The following CDH13 variants were observed in gnomAD, a reference collection of about 807,000 sequenced individuals.
CDH13 encodes cadherin-13.
A neutral mutation model predicts 63.8 loss-of-function variants in CDH13; 24 were observed. The ratio of observed to expected loss-of-function variants is 0.38; its 90% CI spans 0.27 to 0.53. The LOEUF (loss-of-function observed/expected upper bound fraction) is 0.53, where lower values mean the gene tolerates loss of function less well. Ranked by LOEUF, CDH13 falls within the 20% of genes least tolerant of loss-of-function variation. The probability of loss-of-function intolerance (pLI) is 0.85; values close to 1 mark genes in which losing one functional copy is unlikely to be tolerated. For missense variants in CDH13, 1,049 were observed against 903.1 expected, an observed-to-expected ratio of 1.16 and a Z score of -2.07; for synonymous variants, 503 against 355.3, an observed-to-expected ratio of 1.42 and a Z score of -4.67.
intron 1 of CDH13, among the ~76,000 whole-genome samples, chr16:82,669,864 T>C (rs1333579425): frequency 6.6e-6 from 1 of 152,240 alleles, no homozygotes; most frequent in Non-Finnish European, 1.5e-5. Context: ...TGGATCTCTA[T>C]AAGGCAGCTT....
At chr16:83,074,401 A>T (rs2032671777) in intron 3 of CDH13, among the ~76,000 whole-genome samples, 1 of 152,184 alleles carries the variant, frequency 6.6e-6, no homozygotes, top group Non-Finnish European at 1.5e-5. Context: ...TTATCCACTG[A>T]TGGGCACAAG....
chr16:83,540,568 T>C lies in CDH13; in HGVS notation c.960+53913T>C, dbSNP rs532627930. On this transcript the variant is annotated intron_variant, in intron 7 of 13. Coordinates refer to ENST00000567109, the MANE Select transcript of CDH13 (RefSeq NM_001257.5). ...CCCAGACCCTTCCTTTAAAACAGTT[T>C]CTTTTGTCTTAAGTTTCCATTTCTA... Among the ~76,000 whole-genome samples the C allele has an allele frequency of 6.6e-5, 10 of 152,284 alleles. No homozygotes were observed. The East Asian group carries it at 1.9e-3, about 29-fold the overall frequency.
intron 1 of CDH13, chr16:82,824,322 T>C (rs1413979628): frequency 6.7e-6 from 1 of 149,632 alleles, no homozygotes; most frequent in Non-Finnish European, 1.5e-5. Context: ...AAAAAAAACA[T>C]AAACAACTAT....
At chr16:83,055,458 AAAG>A (rs1362129351) in intron 3 of CDH13, among the ~76,000 whole-genome samples, 4 of 151,972 alleles carry the variant, frequency 2.6e-5, no homozygotes, top group East Asian at 1.9e-4. Flanking sequence ...GAATAAGAAA[AAAG>A]AAGAAGGCAT....
At chr16:83,229,981 T>A (rs1463412262) in intron 5 of CDH13, among the ~76,000 whole-genome samples, 1 of 152,150 alleles carries the variant, frequency 6.6e-6, no homozygotes, top group East Asian at 1.9e-4. Context: ...GACAATAAGA[T>A]GCTGGGAGGA....
At chr16:83,107,637 G>T (rs1348767456) in intron 3 of CDH13, among the ~76,000 whole-genome samples, 1 of 152,028 alleles carries the variant, frequency 6.6e-6, no homozygotes, top group African/African-American at 2.4e-5. Context: ...AGTATGAGAG[G>T]CTGAGGAACT....
chr16:83,686,456 A>G (rs185905435), intron 10 of CDH13, among the ~76,000 whole-genome samples: 1 of 152,220 alleles, frequency 6.6e-6, no homozygotes, highest in East Asian at 1.9e-4. Flanking sequence ...ATTGACTCCA[A>G]AATTCAAAAA....
At chr16:82,641,749 G>A (rs2150888648) in intron 1 of CDH13, among the ~76,000 whole-genome samples, 1 of 152,308 alleles carries the variant, frequency 6.6e-6, no homozygotes, top group South Asian at 2.1e-4. Flanking sequence ...AGCACTGACT[G>A]AGTGCTCAAC....
intron 1 of CDH13, among the ~76,000 whole-genome samples, chr16:82,844,119 A>G (rs1426690391): frequency 6.6e-6 from 1 of 152,198 alleles, no homozygotes; most frequent in Non-Finnish European, 1.5e-5. Flanking sequence ...CCAGATGAGT[A>G]TGATGTAATC....
chr16:82,786,117 G>T (rs2035991012), intron 1 of CDH13, among the ~76,000 whole-genome samples: 1 of 152,102 alleles, frequency 6.6e-6, no homozygotes, highest in Non-Finnish European at 1.5e-5. Context: ...GAATGAGTTA[G>T]GGTGGAGCAG....
intron 1 of CDH13, among the ~76,000 whole-genome samples, chr16:82,716,279 C>T (rs1285854185): frequency 6.6e-6 from 1 of 152,060 alleles, no homozygotes; most frequent in African/African-American, 2.4e-5. Flanking sequence ...GGAATAGAAA[C>T]TAACAGCCCA....
intron 2 of CDH13, among the ~76,000 whole-genome samples, chr16:82,951,634 T>A (rs1905310555): frequency 6.6e-6 from 1 of 152,198 alleles, no homozygotes; most frequent in Non-Finnish European, 1.5e-5. Context: ...TCTACAGGGC[T>A]GCCATGTGCT....
intron 7 of CDH13, among the ~76,000 whole-genome samples, chr16:83,498,797 T>C (rs2074205770): frequency 6.6e-6 from 1 of 152,178 alleles, no homozygotes; most frequent in Non-Finnish European, 1.5e-5. Flanking sequence ...TACAGTGAAG[T>C]TTTGGTGGAA....
In CDH13 at chr16:83,188,991, A is replaced by C. The variant is rs1371296087; in HGVS notation, c.484-28354A>C. On this transcript the variant is annotated intron_variant, in intron 4 of 13. Transcript: ENST00000567109. ...GTGACACTGGGATCTCAGTCATGGA[A>C]GTTCACTGACATCTACTCATCCTGC... 2.0e-5 allele frequency among the ~76,000 whole-genome samples: 3 copies of C among 152,184 alleles called. No homozygotes were observed. The East Asian group carries it at 5.8e-4, about 29-fold the overall frequency.
intron 3 of CDH13, among the ~76,000 whole-genome samples, chr16:83,104,402 G>C (rs1407084683): frequency 1.3e-5 from 2 of 152,250 alleles, no homozygotes; most frequent in East Asian, 1.9e-4. Flanking sequence ...GCTCTGTAAT[G>C]CGACAAAAAA....
intron 3 of CDH13, among the ~76,000 whole-genome samples, chr16:83,063,614 G>T (rs1239610145): frequency 6.6e-6 from 1 of 152,194 alleles, no homozygotes; most frequent in African/African-American, 2.4e-5. Context: ...AGGGTGTCTG[G>T]ATTAGGGAGA....
intron 10 of CDH13, among the ~76,000 whole-genome samples, chr16:83,741,185 GCCCTTTA>G (rs1912022405): frequency 6.6e-6 from 1 of 152,136 alleles, no homozygotes; most frequent in Non-Finnish European, 1.5e-5. Flanking sequence ...TTTGAAATAT[GCCCTTTA>G]CTTTACACTC....
intron 3 of CDH13, among the ~76,000 whole-genome samples, chr16:83,093,651 T>G (rs948351570): frequency 6.6e-6 from 1 of 152,122 alleles, no homozygotes; most frequent in African/African-American, 2.4e-5. Context: ...CTAATTTATT[T>G]CAAACAATAT....
At chr16:82,689,381 T>C (rs932797095) in intron 1 of CDH13, among the ~76,000 whole-genome samples, 1 of 152,214 alleles carries the variant, frequency 6.6e-6, no homozygotes, top group Non-Finnish European at 1.5e-5. Context: ...GCCAATGTTA[T>C]CATTTGGGTC....
Sources: gnomAD v4.1 joint callset for allele counts (sites outside exome capture counted in the v4.1 genomes callset) on GRCh38, gnomAD v4.1.1 for gene constraint, MANE v1.5 for transcripts, NCBI Gene and HGNC (gene_info 2026-07-23, HGNC 2026-07-21) for gene names.